Variants in TIMD4 observed in about 807,000 individuals in gnomAD.
TIMD4 encodes the protein T cell immunoglobulin and mucin domain containing 4, also known as T-cell immunoglobulin and mucin domain-containing protein 4.
A neutral mutation model predicts 41.2 loss-of-function variants in TIMD4; 31 were observed. The observed-to-expected ratio is 0.75, with a 90% CI of 0.57 to 1.01. The LOEUF is 1.01. Ranked by LOEUF, TIMD4 falls within the 50% of genes least tolerant of loss-of-function variation. The pLI is 0.00. For missense variants in TIMD4, 479 were observed against 472.5 expected (o/e 1.01, Z -0.13); for synonymous variants, 204 against 177.1 (o/e 1.15, Z -1.21).
intron 5 of TIMD4, among the ~76,000 whole-genome samples, chr5:156,940,648 C>G (rs1759629341): frequency 6.6e-6 from 1 of 151,348 alleles, no homozygotes; most frequent in Non-Finnish European, 1.5e-5. Flanking sequence ...GGCCACCACC[C>G]CATCTGGGAG....
At chr5:156,929,207 A>G (rs981650748) in intron 5 of TIMD4, among the ~76,000 whole-genome samples, 5 of 152,164 alleles carry the variant, frequency 3.3e-5, no homozygotes, top group Non-Finnish European at 7.3e-5. Flanking sequence ...AGACAAGGCA[A>G]AACTACTGAT....
intron 5 of TIMD4, among the ~76,000 whole-genome samples, chr5:156,937,871 A>G (rs1471786111): frequency 1.3e-5 from 2 of 152,254 alleles, no homozygotes; most frequent in Non-Finnish European, 2.9e-5. Context: ...AGCACTGGGC[A>G]TGAGAGATAA....
At chr5:156,957,379 G>A (rs367880909) in intron 1 of TIMD4, among the ~76,000 whole-genome samples, 2 of 152,132 alleles carry the variant, frequency 1.3e-5, no homozygotes, top group East Asian at 3.9e-4. Context: ...TGGGCATGAT[G>A]GTGGGTGCCT....
chr5:156,946,613 A>G (rs1201753850), intron 5 of TIMD4, among the ~76,000 whole-genome samples: 1 of 150,828 alleles, frequency 6.6e-6, no homozygotes, highest in African/African-American at 2.4e-5. Flanking sequence ...AGTAGCTAGG[A>G]CTACGGGCGC....
intron 5 of TIMD4, among the ~76,000 whole-genome samples, chr5:156,935,174 T>A (rs1488917798): frequency 6.7e-6 from 1 of 150,224 alleles, no homozygotes; most frequent in Admixed American, 6.6e-5. Context: ...AATTGTCTCC[T>A]CCAATTTCTT....
chr5:156,933,440 T>C (rs7735522), intron 5 of TIMD4, among the ~76,000 whole-genome samples: 49,966 of 149,344 alleles, frequency 0.33, 9,519 homozygotes, highest in African/African-American at 0.51. Flanking sequence ...GGCAACAGAG[T>C]GAGATCTCGC....
chr5:156,922,333 C>T (rs922425937), intron 6 of TIMD4, 117 bp from the exon 7 acceptor site: 3 of 873,844 alleles, frequency 3.4e-6, no homozygotes, highest in Admixed American at 4.5e-5. Flanking sequence ...CATTTCACCA[C>T]CTTTTGTCAA....
At chr5:156,943,558 G>C (rs111353048) in intron 5 of TIMD4, among the ~76,000 whole-genome samples, 3,734 of 152,248 alleles carry the variant, frequency 0.025, 91 homozygotes, top group African/African-American at 0.063. Flanking sequence ...TAGGGATTTG[G>C]GATGTTATAG....
rs761771740 is a variant in TIMD4, at chr5:156,922,150, G to A, written c.961C>T (p.Pro321Ser). The A allele has an allele frequency of 1.9e-6, 3 of 1,613,992 alleles. No individual in the cohort carries two copies. The highest frequency in any genetic ancestry group is 1.1e-5 in the South Asian group (1 of 91,054). ...PISQLLMIIA[P>S]SLGFVLFALF... Reference sequence around the variant, plus strand: ...GCGAAGAGCACAAATCCCAAGGAGGGGGCGATGATCATCAGTAGTTGGGAG... The same window carrying A: ...GCGAAGAGCACAAATCCCAAGGAGGAGGCGATGATCATCAGTAGTTGGGAG... Residue 321 changes from proline to serine, a missense_variant, in exon 7 of 9, where the codon CCC becomes TCC. By Grantham distance (74) the Pro-to-Ser change is moderately conservative (BLOSUM62 -1). Coordinates refer to ENST00000274532, the MANE Select transcript of TIMD4 (RefSeq NM_138379.3).
At chr5:156,919,725 A>C (rs544235843) in intron 8 of TIMD4, among the ~76,000 whole-genome samples, 184 bp from the exon 9 acceptor site, 4 of 152,352 alleles carry the variant, frequency 2.6e-5, no homozygotes, top group South Asian at 2.1e-4. Context: ...GTTTCTGCCA[A>C]TCCATTATAA....
At chr5:156,955,818 G>T (rs1018191728) in intron 1 of TIMD4, among the ~76,000 whole-genome samples, 3 of 152,134 alleles carry the variant, frequency 2.0e-5, no homozygotes, top group African/African-American at 7.2e-5. Flanking sequence ...ATGAAGTTAG[G>T]TGGAGTTCAT....
intron 5 of TIMD4, among the ~76,000 whole-genome samples, chr5:156,940,209 C>T (rs1053687111): frequency 3.9e-5 from 6 of 152,240 alleles, no homozygotes; most frequent in African/African-American, 7.2e-5. Flanking sequence ...CTGCCCGCCT[C>T]GGCCTCCCGA....
At chr5:156,930,074 G>A (rs561603502) in intron 5 of TIMD4, among the ~76,000 whole-genome samples, 45 of 152,254 alleles carry the variant, frequency 3.0e-4, no homozygotes, top group Admixed American at 2.2e-3. Context: ...AGGTTGAAGC[G>A]ATTCTCATGC....
At chr5:156,930,228 T>C (rs1759421827) in intron 5 of TIMD4, among the ~76,000 whole-genome samples, 1 of 152,152 alleles carries the variant, frequency 6.6e-6, no homozygotes, top group Non-Finnish European at 1.5e-5. Context: ...TCCAAAGTGC[T>C]GGGATAACAG....
rs186237831 is a variant in TIMD4 at position 156,934,246 on chromosome 5, T to G, written c.845-7934A>C. Among the ~76,000 whole-genome samples, 443 of 152,300 alleles carry G rather than the reference T, an allele frequency of 2.9e-3. 1 individual carries two copies. Among genetic ancestry groups the G allele is most frequent in the African/African-American group, 0.01 (421 of 41,554 alleles). On this transcript the variant is annotated intron_variant, in intron 5 of 8. Coordinates refer to ENST00000274532, the MANE Select transcript of TIMD4 (RefSeq NM_138379.3). ...AGTTATAAGCACTTTGTATAAATTA[T>G]AATTTTTTAAAAACCTAGAGACAGG...
intron 5 of TIMD4, among the ~76,000 whole-genome samples, chr5:156,928,410 A>AT (rs930875343): frequency 6.6e-6 from 1 of 152,174 alleles, no homozygotes; most frequent in African/African-American, 2.4e-5. Flanking sequence ...AGAAAAAAAA[A>AT]GAGAAGAAAT....
At chr5:156,956,484 C>A (rs918661800) in intron 1 of TIMD4, among the ~76,000 whole-genome samples, 1 of 152,188 alleles carries the variant, frequency 6.6e-6, no homozygotes, top group Non-Finnish European at 1.5e-5. Context: ...GTTCATTGCC[C>A]AAACCTGAGC....
chr5:156,922,449 T>A (rs1418764507), intron 6 of TIMD4, among the ~76,000 whole-genome samples: 1 of 152,184 alleles, frequency 6.6e-6, no homozygotes, highest in Non-Finnish European at 1.5e-5. Context: ...GGATAAAAAA[T>A]AACTGTTGTG....
chr5:156,940,528 C>T (rs13164171), intron 5 of TIMD4, among the ~76,000 whole-genome samples: 23,142 of 150,978 alleles, frequency 0.15, 2,172 homozygotes, highest in Middle Eastern at 0.27. Context: ...TCTGCCTGGC[C>T]GCCCATCATC....
Sources: allele counts gnomAD v4.1 joint callset (sites outside exome capture counted in the v4.1 genomes callset), GRCh38; gene constraint gnomAD v4.1.1; transcripts MANE v1.5; gene names NCBI Gene and HGNC (gene_info 2026-07-23, HGNC 2026-07-21).